Variants in PDGFRL observed in about 807,000 individuals in gnomAD.
The protein encoded by PDGFRL is platelet-derived growth factor receptor-like protein.
In PDGFRL, 46 loss-of-function variants were observed where a neutral mutation model predicts 37.2. The observed-to-expected ratio is 1.24, with a 90% confidence interval of 0.98 to 1.58. The LOEUF (loss-of-function observed/expected upper bound fraction) is 1.58. Ranked by LOEUF, PDGFRL falls within the 40% of genes most tolerant of loss-of-function variation. PDGFRL has a pLI of 0.00. For missense variants in PDGFRL, 692 were observed against 467.6 expected, an observed-to-expected ratio of 1.48 and a Z score of -4.43; for synonymous variants, 251 against 184.3, an observed-to-expected ratio of 1.36 and a Z score of -2.93.
chr8:17,583,560 G>C (rs1047856751), intron 1 of PDGFRL, among the ~76,000 whole-genome samples: 2 of 152,218 alleles, frequency 1.3e-5, no homozygotes, highest in Admixed American at 6.5e-5. Flanking sequence ...ATGAGTTTTG[G>C]GGGGCCAGAG....
At chr8:17,625,514 T>C (rs1804716651) in intron 3 of PDGFRL, among the ~76,000 whole-genome samples, 1 of 152,062 alleles carries the variant, frequency 6.6e-6, no homozygotes. Context: ...ATTTGTCTTC[T>C]AGATAAGTGG....
intron 5 of PDGFRL, among the ~76,000 whole-genome samples, chr8:17,639,645 G>C (rs1805050434): frequency 6.6e-6 from 1 of 152,146 alleles, no homozygotes; most frequent in Admixed American, 6.5e-5. Flanking sequence ...TGAGGAATCT[G>C]CTGTTAATCT....
chr8:17,629,932 G>C (rs1400672493), intron 4 of PDGFRL, among the ~76,000 whole-genome samples: 1 of 152,064 alleles, frequency 6.6e-6, no homozygotes. Flanking sequence ...CTTAGATCCT[G>C]GGTCCCACCA....
chr8:17,621,075 C>G lies in PDGFRL; in HGVS notation c.378C>G (p.Gly126=). 1 of 1,609,312 alleles carries G rather than the reference C, an allele frequency of 6.2e-7. No individual in the cohort carries two copies. Among genetic ancestry groups the G allele is most frequent in the South Asian group, 1.1e-5 (1 of 90,598 alleles). ...RLSVKQNERY[G]QLTLVNSTSA... is the part of the protein sequence containing the mutation. ...GCGTCAAGCAGAATGAGCGCTACGG[C>G]CAGTTGACTCTGGTCAACTCCACCT... is the stretch of plus-strand genomic sequence containing the variant. The change falls in exon 3 of 6, where the codon GGC becomes GGG. Residue 126 remains glycine (G), a synonymous_variant. Transcript: ENST00000251630.
chr8:17,595,425 C>T (rs756027913), intron 2 of PDGFRL, among the ~76,000 whole-genome samples: 28 of 152,290 alleles, frequency 1.8e-4, no homozygotes, highest in Non-Finnish European at 3.2e-4. Flanking sequence ...GGGCCATGCC[C>T]CACCTAGGTA....
intron 3 of PDGFRL, among the ~76,000 whole-genome samples, chr8:17,625,968 C>T (rs908918329): frequency 4.6e-5 from 7 of 152,216 alleles, no homozygotes; most frequent in African/African-American, 1.4e-4. Flanking sequence ...GCACTCCAGC[C>T]TGGGCAACAG....
Position 17,634,143 on chromosome 8 carries a change from G to T in PDGFRL, c.869G>T (p.Ser290Ile), listed in dbSNP as rs150699836. 1.2e-6 allele frequency: 2 copies of T among 1,613,186 alleles called. No individual in the cohort carries two copies. Among genetic ancestry groups the T allele is most frequent in the South Asian group, 1.1e-5 (1 of 91,070 alleles). The change falls in exon 5 of 6, where the codon AGT (serine) becomes ATT (isoleucine). Residue 290 changes from serine to isoleucine, a missense_variant. Physicochemically the swap from Ser to Ile is moderately radical, Grantham distance 142. Coordinates refer to ENST00000251630, the MANE Select transcript of PDGFRL (RefSeq NM_001372073.1). ...AAAGTGAAAAGTGGGGACGACATCAGTGTGCTCTGCACTGTCCTGGGGGAG... is the reference window on the plus strand; with the variant it reads ...AAAGTGAAAAGTGGGGACGACATCATTGTGCTCTGCACTGTCCTGGGGGAG... The part of the protein sequence containing the change: ...SNKVKSGDDI[S>I]VLCTVLGEPD...
intron 2 of PDGFRL, among the ~76,000 whole-genome samples, chr8:17,616,098 G>A (rs1024433917): frequency 6.6e-6 from 1 of 152,160 alleles, no homozygotes; most frequent in African/African-American, 2.4e-5. Flanking sequence ...GACTCTGAAG[G>A]TCATGGTGGA....
chr8:17,596,104 G>A (rs1804046702), intron 2 of PDGFRL, among the ~76,000 whole-genome samples: 1 of 133,364 alleles, frequency 7.5e-6, no homozygotes, highest in African/African-American at 3.8e-5. Flanking sequence ...GGAAGCCCCA[G>A]AGTTACCCTT....
At chr8:17,626,122 C>A (rs866774725) in intron 3 of PDGFRL, among the ~76,000 whole-genome samples, 1 of 152,264 alleles carries the variant, frequency 6.6e-6, no homozygotes, top group South Asian at 2.1e-4. Context: ...GCCTCTAAAT[C>A]TTGCAATCAT....
chr8:17,624,554 G>T lies in PDGFRL; in HGVS notation c.505+3352G>T, dbSNP rs532047389. Among the ~76,000 whole-genome samples the T allele has an allele frequency of 2.6e-5, 4 of 152,248 alleles. No individual in the cohort carries two copies. In the South Asian group the frequency reaches 8.3e-4, roughly 32 times the overall value. On this transcript the variant is annotated intron_variant, in intron 3 of 5. Transcript: ENST00000251630. ...GGATGAGAACATTACCAGCAGCAGA[G>T]CTTTCTCATAGTAAAAGGCTGAGGC...
intron 2 of PDGFRL, among the ~76,000 whole-genome samples, chr8:17,591,575 G>A (rs1005359620): frequency 1.3e-5 from 2 of 152,192 alleles, no homozygotes; most frequent in Non-Finnish European, 2.9e-5. Flanking sequence ...GACTTACAAT[G>A]GAGAAATACC....
chr8:17,628,879 G>C, intron 4 of PDGFRL, 99 bp downstream of exon 4: 1 of 751,546 alleles, frequency 1.3e-6, no homozygotes, highest in Non-Finnish European at 2.2e-6. Context: ...AGCTCCATGA[G>C]TGCCTTTTGT....
chr8:17,593,426 C>T (rs1201817268), intron 2 of PDGFRL, among the ~76,000 whole-genome samples: 1 of 89,198 alleles, frequency 1.1e-5, no homozygotes, highest in African/African-American at 3.3e-5. Flanking sequence ...ACCATCTCTA[C>T]TAAAAATACG....
At position 17,597,238 on chromosome 8, in the gene PDGFRL, C is replaced by T. The variant is rs560473364; in HGVS notation, c.353+7473C>T. On this transcript the variant is annotated intron_variant, in intron 2 of 5. Coordinates refer to ENST00000251630, the MANE Select transcript of PDGFRL (RefSeq NM_001372073.1). The stretch of plus-strand genomic sequence containing the variant: ...CTTTCGGTAAGTTGGCCAGGCTGGT[C>T]TACACCTCTTGGCCTCAAGTGATCC... Among the ~76,000 whole-genome samples, 5 of 152,258 alleles carry T rather than the reference C, an allele frequency of 3.3e-5. No individual in the cohort carries two copies. In the South Asian group the frequency reaches 1.0e-3, roughly 32 times the overall value.
intron 3 of PDGFRL, among the ~76,000 whole-genome samples, chr8:17,624,143 G>A (rs767410514): frequency 1.2e-4 from 18 of 152,054 alleles, no homozygotes; most frequent in Admixed American, 3.3e-4. Context: ...AGCATGGATG[G>A]CTTTGAGAAA....
intron 1 of PDGFRL, among the ~76,000 whole-genome samples, chr8:17,586,421 T>G (rs529871391): frequency 3.9e-5 from 6 of 152,274 alleles, no homozygotes; most frequent in African/African-American, 1.4e-4. Flanking sequence ...GTGCATGAGA[T>G]TTGTGCAAAT....
At chr8:17,625,618 A>G (rs1804718418) in intron 3 of PDGFRL, among the ~76,000 whole-genome samples, 2 of 152,238 alleles carry the variant, frequency 1.3e-5, no homozygotes, top group Non-Finnish European at 1.5e-5. Flanking sequence ...CGGATTGCAA[A>G]TATATTTTTA....
chr8:17,581,283 A>G (rs1335773228), intron 1 of PDGFRL, among the ~76,000 whole-genome samples: 2 of 152,166 alleles, frequency 1.3e-5, no homozygotes, highest in Non-Finnish European at 2.9e-5. Flanking sequence ...CCACAAAGGC[A>G]ATAGCTTCAA....
Sources: gnomAD v4.1 joint callset for allele counts (sites outside exome capture counted in the v4.1 genomes callset) on GRCh38, gnomAD v4.1.1 for gene constraint, MANE v1.5 for transcripts, NCBI Gene and HGNC (gene_info 2026-07-23, HGNC 2026-07-21) for gene names.